OR56B2: variants seen among roughly 807,000 people sequenced by gnomAD.
The protein encoded by OR56B2 is olfactory receptor family 56 subfamily B member 2.
At chr11:5,765,213 G>A in the OR56B2 span, 1 of 182,534 alleles carries the variant, frequency 5.5e-6, no homozygotes, top group East Asian at 1.5e-4. Flanking sequence ...CCTGCCCCTG[G>A]CTCTGCTCTA....
the OR56B2 span, chr11:5,766,902 A>C: frequency 7.2e-6 from 1 of 139,028 alleles, no homozygotes; most frequent in Non-Finnish European, 1.6e-5. Context: ...ATTGAAAAAA[A>C]TGTTAATACA....
the OR56B2 span, among the ~76,000 whole-genome samples, chr11:5,762,879 G>C: frequency 6.6e-6 from 1 of 151,864 alleles, no homozygotes; most frequent in African/African-American, 2.4e-5. Flanking sequence ...TCAAGTTTAG[G>C]TTATGTGTTT....
At chr11:5,766,730 A>T in the OR56B2 span, 1 of 139,496 alleles carries the variant, frequency 7.2e-6, no homozygotes, top group Admixed American at 7.4e-5. Flanking sequence ...TTTTGCAATA[A>T]GAGATTAGTG....
chr11:5,762,005 T>C, the OR56B2 span, among the ~76,000 whole-genome samples: 1 of 152,098 alleles, frequency 6.6e-6, no homozygotes, highest in Non-Finnish European at 1.5e-5. Context: ...AATACTAGAA[T>C]TGGAAAGACA....
the OR56B2 span, among the ~76,000 whole-genome samples, chr11:5,761,431 C>T: frequency 6.6e-6 from 1 of 152,042 alleles, no homozygotes; most frequent in African/African-American, 2.4e-5. Flanking sequence ...GAACCTAATA[C>T]AACAAAATGT....
At chr11:5,768,688 T>TA in the OR56B2 span, among the ~76,000 whole-genome samples, 1 of 139,806 alleles carries the variant, frequency 7.2e-6, no homozygotes, top group Non-Finnish European at 1.6e-5. Context: ...TAAAACAATA[T>TA]AAAAAACTGC....
chr11:5,764,125 TAA>T, the OR56B2 span, among the ~76,000 whole-genome samples: 41 of 140,978 alleles, frequency 2.9e-4, 4 homozygotes, highest in African/African-American at 1.0e-3. Context: ...AAAGAAGAAA[TAA>T]ATAGTGCAGA....
the OR56B2 span, among the ~76,000 whole-genome samples, chr11:5,762,077 A>G: frequency 6.6e-6 from 1 of 152,150 alleles, no homozygotes. Flanking sequence ...ATATATAAAT[A>G]TAATCCATTG....
chr11:5,763,416 C>T, the OR56B2 span, among the ~76,000 whole-genome samples: 1 of 101,052 alleles, frequency 9.9e-6, no homozygotes, highest in African/African-American at 3.5e-5. Flanking sequence ...TGGGTTTAAG[C>T]AATTCTCCTA....
chr11:5,763,581 G>A, the OR56B2 span, among the ~76,000 whole-genome samples: 1 of 140,346 alleles, frequency 7.1e-6, no homozygotes, highest in South Asian at 2.3e-4. Flanking sequence ...AAAGTGCTGG[G>A]ATTACAGGCG....
chr11:5,761,359 C>T, the OR56B2 span: 1 of 152,230 alleles, frequency 6.6e-6, no homozygotes, highest in African/African-American at 2.4e-5. Flanking sequence ...TCTTTAATGA[C>T]TGTGTAGAAA....
chr11:5,762,969 T>G, the OR56B2 span, among the ~76,000 whole-genome samples: 4 of 152,064 alleles, frequency 2.6e-5, no homozygotes, highest in African/African-American at 9.6e-5. Context: ...ATTATTATTT[T>G]AACTGAATTA....
the OR56B2 span, among the ~76,000 whole-genome samples, chr11:5,764,642 T>C: frequency 7.1e-6 from 1 of 139,990 alleles, no homozygotes; most frequent in African/African-American, 2.6e-5. Context: ...CACTTCTATA[T>C]ACTCTATCAT....
chr11:5,763,080 A>G, the OR56B2 span, among the ~76,000 whole-genome samples: 2 of 151,434 alleles, frequency 1.3e-5, no homozygotes, highest in Admixed American at 1.3e-4. Flanking sequence ...CAAAAATAGT[A>G]CAGTTTTAAA....
the OR56B2 span, among the ~76,000 whole-genome samples, chr11:5,767,670 G>A: frequency 7.2e-6 from 1 of 139,132 alleles, no homozygotes; most frequent in African/African-American, 2.6e-5. Context: ...GGAAAATTTT[G>A]TATAGTAAAG....
chr11:5,764,731 A>G, the OR56B2 span, among the ~76,000 whole-genome samples: 2 of 139,870 alleles, frequency 1.4e-5, no homozygotes, highest in Non-Finnish European at 3.2e-5. Context: ...AAAGAAACCA[A>G]CTCGTTAACA....
the OR56B2 span, among the ~76,000 whole-genome samples, chr11:5,768,927 TA>T: frequency 0.07 from 9,763 of 138,894 alleles, 1,923 homozygotes; most frequent in African/African-American, 0.083. Flanking sequence ...TTGTCAAAAG[TA>T]TATATAGAAA....
At chr11:5,762,380 T>C in the OR56B2 span, among the ~76,000 whole-genome samples, 1 of 152,140 alleles carries the variant, frequency 6.6e-6, no homozygotes, top group Non-Finnish European at 1.5e-5. Flanking sequence ...TCTAAATATA[T>C]GAATGTCATT....
the OR56B2 span, among the ~76,000 whole-genome samples, chr11:5,763,235 C>T: frequency 4.6e-5 from 7 of 151,948 alleles, no homozygotes; most frequent in East Asian, 5.8e-4. Context: ...ATGAGATATC[C>T]GCTATACTCT....
Sources: allele counts gnomAD v4.1 joint callset (sites outside exome capture counted in the v4.1 genomes callset), GRCh38; gene constraint gnomAD v4.1.1; transcripts MANE v1.5; gene names NCBI Gene and HGNC (gene_info 2026-07-23, HGNC 2026-07-21).